DISP1: variants seen among roughly 807,000 people sequenced by gnomAD.
DISP1 encodes dispatched RND transporter family member 1.
In DISP1, 30 loss-of-function variants were observed where a neutral mutation model predicts 37.3. That is an observed-to-expected ratio of 0.80 (90% CI 0.60 to 1.09). The LOEUF (loss-of-function observed/expected upper bound fraction) is 1.09. Among genes scored for constraint, DISP1 ranks in the 50% least tolerant of loss-of-function variants. DISP1 has a pLI of 0.00. For synonymous variants in DISP1, 634 were observed against 690.2 expected (o/e 0.92, Z 1.28); for missense variants, 1,598 against 1,879.5 (o/e 0.85, Z 2.77).
chr1:222,985,307 T>C (rs990080962), intron 4 of DISP1, among the ~76,000 whole-genome samples: 27 of 152,220 alleles, frequency 1.8e-4, no homozygotes, highest in African/African-American at 6.3e-4. Flanking sequence ...CTGGAACTTA[T>C]TGCTTCCCTT....
At chr1:222,947,847 C>T (rs115507625) in intron 3 of DISP1, among the ~76,000 whole-genome samples, 14,465 of 151,670 alleles carry the variant, frequency 0.095, 725 homozygotes, top group South Asian at 0.18. Flanking sequence ...TGAATTGGGT[C>T]AGGACCGTTG....
chr1:222,931,745 C>T (rs1453773776), intron 2 of DISP1, among the ~76,000 whole-genome samples: 1 of 147,432 alleles, frequency 6.8e-6, no homozygotes, highest in Non-Finnish European at 1.5e-5. Context: ...ATTAGAGGAT[C>T]TTGAGCCTTC....
chr1:222,924,192 C>G (rs1472479153), intron 1 of DISP1, among the ~76,000 whole-genome samples: 1 of 151,926 alleles, frequency 6.6e-6, no homozygotes, highest in Admixed American at 6.6e-5. Context: ...TTTTGTTTTC[C>G]TGCAATTTGC....
chr1:222,862,031 A>G (rs1668906666), intron 1 of DISP1, among the ~76,000 whole-genome samples: 2 of 152,238 alleles, frequency 1.3e-5, no homozygotes, highest in Non-Finnish European at 2.9e-5. Context: ...AAGGCTGAGC[A>G]ACCCTTTTAA....
chr1:222,974,569 C>T (rs1478235418), intron 3 of DISP1, among the ~76,000 whole-genome samples: 1 of 152,152 alleles, frequency 6.6e-6, no homozygotes, highest in African/African-American at 2.4e-5. Context: ...TAGAAGCTGG[C>T]ACTTTGTTCA....
At chr1:222,939,383 A>C (rs1373346086) in intron 2 of DISP1, among the ~76,000 whole-genome samples, 2 of 65,524 alleles carry the variant, frequency 3.1e-5, no homozygotes, top group Non-Finnish European at 5.9e-5. Flanking sequence ...TTTTTTTTTT[A>C]CTGAGGATAA....
chr1:222,890,798 G>A (rs549627244), intron 1 of DISP1, among the ~76,000 whole-genome samples: 76 of 152,168 alleles, frequency 5.0e-4, no homozygotes, highest in African/African-American at 1.8e-3. Flanking sequence ...ATCTTCTGGT[G>A]GTTTGTTGGA....
chr1:222,954,095 A>G (rs2125523744), intron 3 of DISP1, among the ~76,000 whole-genome samples: 2 of 152,124 alleles, frequency 1.3e-5, no homozygotes, highest in East Asian at 3.9e-4. Context: ...GTTAAAAAAA[A>G]AATTCAAAAG....
chr1:222,904,525 ATTTATC>A (rs770053766), intron 1 of DISP1, among the ~76,000 whole-genome samples: 24 of 151,438 alleles, frequency 1.6e-4, no homozygotes, highest in Non-Finnish European at 2.7e-4. Context: ...AGAAGCAGTA[ATTTATC>A]TTTAGTTTAT....
intron 1 of DISP1, among the ~76,000 whole-genome samples, chr1:222,836,026 A>G (rs1666938929): frequency 6.6e-6 from 1 of 152,026 alleles, no homozygotes; most frequent in Non-Finnish European, 1.5e-5. Context: ...TTAAGATAGT[A>G]GTAGCAAATA....
At chr1:222,928,620 G>A (rs910444404) in intron 2 of DISP1, 50 bp downstream of exon 2, 1 of 152,106 alleles carries the variant, frequency 6.6e-6, no homozygotes, top group Non-Finnish European at 1.5e-5. Context: ...AAATGTGTGT[G>A]AATTTGTTAT....
chr1:222,889,953 T>C (rs1670851148), intron 1 of DISP1, among the ~76,000 whole-genome samples: 1 of 152,128 alleles, frequency 6.6e-6, no homozygotes, highest in Non-Finnish European at 1.5e-5. Flanking sequence ...ATATTAAATA[T>C]CAACTGGAAA....
At chr1:222,847,384 G>A (rs1038563985) in intron 1 of DISP1, among the ~76,000 whole-genome samples, 1 of 152,002 alleles carries the variant, frequency 6.6e-6, no homozygotes, top group African/African-American at 2.4e-5. Flanking sequence ...CTGAACACTG[G>A]GTGTGCTCAT....
chr1:222,932,694 CTCTT>C (rs1218034581), intron 2 of DISP1, among the ~76,000 whole-genome samples: 2 of 151,980 alleles, frequency 1.3e-5, no homozygotes, highest in African/African-American at 2.4e-5. Flanking sequence ...CCTTCCCTAC[CTCTT>C]TCTTTCCAGC....
intron 1 of DISP1, among the ~76,000 whole-genome samples, chr1:222,859,238 A>G (rs4328079): frequency 0.63 from 95,672 of 152,116 alleles, 31,595 homozygotes; most frequent in African/African-American, 0.83. Flanking sequence ...GGAATAGAAA[A>G]CCAAACACCG....
chr1:222,934,875 A>G (rs1297401628), intron 2 of DISP1, among the ~76,000 whole-genome samples: 1 of 152,188 alleles, frequency 6.6e-6, no homozygotes, highest in Non-Finnish European at 1.5e-5. Context: ...AGCCATAATT[A>G]AACTTGATTA....
In DISP1 at chr1:223,004,351, T is replaced by C; in HGVS notation, c.2954T>C (p.Leu985Pro). The C allele has an allele frequency of 6.2e-7, 1 of 1,614,224 alleles. No individual in the cohort carries two copies. Among genetic ancestry groups the C allele is most frequent in the Non-Finnish European group, 8.5e-7 (1 of 1,180,036 alleles). The change falls in exon 9 of 9, where the codon CTC becomes CCC. Residue 985 changes from leucine (L) to proline (P), a missense_variant. Transcript: ENST00000675850. This position sits in a 1 kb window ranked among gnomAD's most constrained non-coding sequence, Gnocchi z 4.9. ...DLQDSLSDGTLIAMGLSVAVA... is the reference protein window; with the variant it reads ...DLQDSLSDGTPIAMGLSVAVA... ...CAGGATAGCCTCTCCGATGGCACCC[T>C]CATTGCCATGGGGCTGTCAGTTGCT...
intron 3 of DISP1, among the ~76,000 whole-genome samples, chr1:222,975,657 T>C (rs1386004415): frequency 6.6e-6 from 1 of 152,200 alleles, no homozygotes; most frequent in Non-Finnish European, 1.5e-5. Context: ...TTCTGAGAAC[T>C]TTACAGTCTC....
chr1:222,975,029 T>C (rs1572669326), intron 3 of DISP1, among the ~76,000 whole-genome samples: 2 of 152,304 alleles, frequency 1.3e-5, no homozygotes, highest in East Asian at 3.9e-4. Flanking sequence ...CTTACAGCAC[T>C]TTTTTGCTTA....
Sources: gnomAD v4.1 joint callset for allele counts (sites outside exome capture counted in the v4.1 genomes callset) on GRCh38, gnomAD v4.1.1 for gene constraint, Gnocchi (gnomAD v3.1) non-coding constraint, MANE v1.5 for transcripts, NCBI Gene and HGNC (gene_info 2026-07-23, HGNC 2026-07-21) for gene names.